CDH18: variants seen among roughly 807,000 people sequenced by gnomAD.
The protein encoded by CDH18 is cadherin-18.
Under a neutral mutation model 67.9 loss-of-function variants are expected in CDH18, and 31 were observed. The observed-to-expected ratio is 0.46, with a 90% CI of 0.34 to 0.62. CDH18 has a LOEUF of 0.62. Ranked by LOEUF, CDH18 falls within the 20% of genes least tolerant of loss-of-function variation. The pLI, the probability that CDH18 is intolerant of heterozygous loss-of-function variation, is 0.01. For synonymous variants in CDH18, 362 were observed against 347.2 expected (o/e 1.04, Z -0.48); for missense variants, 890 against 975.5 (o/e 0.91, Z 1.17).
chr5:19,861,091 A>G (rs903777359), intron 2 of CDH18, among the ~76,000 whole-genome samples: 2 of 152,200 alleles, frequency 1.3e-5, no homozygotes, highest in African/African-American at 4.8e-5. Flanking sequence ...ATCTTACAGA[A>G]CGTTATTAAG....
intron 2 of CDH18, among the ~76,000 whole-genome samples, chr5:20,201,923 C>T (rs1739480226): frequency 6.6e-6 from 1 of 152,144 alleles, no homozygotes; most frequent in South Asian, 2.1e-4. Flanking sequence ...GGCAAGGTTG[C>T]AGCAATCCAG....
chr5:19,534,128 ACC>A (rs1749057995), intron 9 of CDH18, among the ~76,000 whole-genome samples: 1 of 151,700 alleles, frequency 6.6e-6, no homozygotes, highest in Non-Finnish European at 1.5e-5. Flanking sequence ...ATTGTGTAGA[ACC>A]TAAAAGGTAT....
chr5:19,898,716 G>C (rs1309924297), intron 2 of CDH18, among the ~76,000 whole-genome samples: 2 of 152,002 alleles, frequency 1.3e-5, no homozygotes, highest in African/African-American at 2.4e-5. Context: ...AAAAATCATA[G>C]GGGAAATGTT....
At chr5:19,904,892 T>C (rs2150123118) in intron 2 of CDH18, among the ~76,000 whole-genome samples, 1 of 152,286 alleles carries the variant, frequency 6.6e-6, no homozygotes, top group Non-Finnish European at 1.5e-5. Context: ...ATTTGCTTTC[T>C]TGAAAAATGC....
At chr5:20,488,673 T>TTATATATATATATA (rs34690857) in intron 1 of CDH18, among the ~76,000 whole-genome samples, 1,424 of 126,608 alleles carry the variant, frequency 0.011, 13 homozygotes, top group Middle Eastern at 0.018. Context: ...GGGTAGTGTT[T>TTATATATATATATA]TATATATATA....
chr5:20,091,908 A>G (rs1415921697), intron 2 of CDH18, among the ~76,000 whole-genome samples: 1 of 152,194 alleles, frequency 6.6e-6, no homozygotes, highest in East Asian at 1.9e-4. Flanking sequence ...ACATTAATTG[A>G]GAAAGGCTAT....
chr5:20,173,115 A>C (rs1736968904), intron 2 of CDH18, among the ~76,000 whole-genome samples: 1 of 152,150 alleles, frequency 6.6e-6, no homozygotes. Context: ...AATGTGAACC[A>C]CTGACCTAGT....
intron 1 of CDH18, among the ~76,000 whole-genome samples, chr5:20,450,000 T>A (rs1581021328): frequency 6.9e-6 from 1 of 144,724 alleles, no homozygotes; most frequent in Non-Finnish European, 1.5e-5. Flanking sequence ...TTTTTTTTTT[T>A]AATTTGCTGA....
intron 8 of CDH18, among the ~76,000 whole-genome samples, chr5:19,544,307 C>G (rs886407699): frequency 6.6e-6 from 1 of 151,836 alleles, no homozygotes; most frequent in African/African-American, 2.4e-5. Flanking sequence ...GAACTCACCT[C>G]TTGGAAGCCT....
chr5:20,255,147 G>C (rs1475495261), intron 2 of CDH18, among the ~76,000 whole-genome samples: 1 of 152,060 alleles, frequency 6.6e-6, no homozygotes, highest in Non-Finnish European at 1.5e-5. Context: ...GAAGGAGAGG[G>C]AGGATGGGTT....
intron 2 of CDH18, among the ~76,000 whole-genome samples, chr5:20,191,836 T>C (rs1259438314): frequency 1.3e-5 from 2 of 152,196 alleles, no homozygotes; most frequent in Non-Finnish European, 2.9e-5. Context: ...CACATGTCTT[T>C]ACAGTAGAAT....
intron 2 of CDH18, among the ~76,000 whole-genome samples, chr5:20,058,762 T>C (rs1163029593): frequency 6.6e-6 from 1 of 152,186 alleles, no homozygotes; most frequent in Non-Finnish European, 1.5e-5. Context: ...TTTATAAGGG[T>C]ACCAACCTTA....
intron 3 of CDH18, among the ~76,000 whole-genome samples, chr5:19,783,936 C>T (rs141218803): frequency 2.4e-4 from 37 of 152,170 alleles, no homozygotes; most frequent in African/African-American, 8.2e-4. Flanking sequence ...CTACTCTGTA[C>T]CTGATACATT....
intron 2 of CDH18, among the ~76,000 whole-genome samples, chr5:19,962,816 A>G (rs1797058077): frequency 6.6e-6 from 1 of 152,098 alleles, no homozygotes; most frequent in African/African-American, 2.4e-5. Flanking sequence ...TCTGTGGAAT[A>G]CTTAAGTCTC....
chr5:20,360,742 T>C (rs933198653), intron 1 of CDH18, among the ~76,000 whole-genome samples: 1 of 152,326 alleles, frequency 6.6e-6, no homozygotes, highest in South Asian at 2.1e-4. Flanking sequence ...ATGTGATTGC[T>C]GTTGAGGTTA....
At chr5:20,419,462 GTTTTTTTTTTTTTT>G (rs202130030) in intron 1 of CDH18, among the ~76,000 whole-genome samples, 26 of 75,646 alleles carry the variant, frequency 3.4e-4, no homozygotes, top group Non-Finnish European at 5.9e-4. Context: ...ATGGGACTCT[GTTTTTTTTTTTTTT>G]TTTTTTTTTT....
chr5:20,525,801 T>TACACACAC (rs61256041), intron 1 of CDH18, among the ~76,000 whole-genome samples: 15 of 148,940 alleles, frequency 1.0e-4, no homozygotes, highest in African/African-American at 2.7e-4. Flanking sequence ...GCTTCCACTA[T>TACACACAC]ACACACACAC....
intron 10 of CDH18, 28 bp from the exon 11 acceptor site, chr5:19,503,137 AAATTT>A: frequency 8.8e-7 from 1 of 1,133,132 alleles, no homozygotes; most frequent in Non-Finnish European, 1.3e-6. Context: ...TCTAAATCGT[AAATTT>A]AATTTTGCTT....
chr5:20,409,182 C>T (rs915760576), intron 1 of CDH18, among the ~76,000 whole-genome samples: 2 of 151,866 alleles, frequency 1.3e-5, no homozygotes, highest in African/African-American at 2.4e-5. Flanking sequence ...ACCTAACAGG[C>T]ATATACAGAG....
Sources: allele counts gnomAD v4.1 joint callset (sites outside exome capture counted in the v4.1 genomes callset), GRCh38; gene constraint gnomAD v4.1.1; transcripts MANE v1.5; gene names NCBI Gene and HGNC (gene_info 2026-07-23, HGNC 2026-07-21).